The following REC114 variants were observed in gnomAD, a reference collection of about 807,000 sequenced individuals.
REC114 encodes the protein REC114 meiotic recombination protein, also known as meiotic recombination protein REC114.
In REC114, 27 loss-of-function variants were observed where a neutral mutation model predicts 31.3. The observed-to-expected ratio is 0.86, with a 90% confidence interval of 0.64 to 1.19. The LOEUF (loss-of-function observed/expected upper bound fraction) is 1.19, where lower values mean the gene tolerates loss of function less well. Ranked by LOEUF, REC114 falls within the 50% of genes most tolerant of loss-of-function variation. The probability of loss-of-function intolerance (pLI) is 0.00; values close to 1 mark genes in which losing one functional copy is unlikely to be tolerated. For missense variants in REC114, 344 were observed against 326.9 expected, an observed-to-expected ratio of 1.05 and a Z score of -0.40; for synonymous variants, 134 against 127.7, an observed-to-expected ratio of 1.05 and a Z score of -0.33.
chr15:73,550,898 G>T lies in REC114; in HGVS notation c.334-40G>T, dbSNP rs149854650. On this transcript the variant is annotated intron_variant, in intron 3 of 5. Transcript: ENST00000331090. ...AAGACCCCAAAGTAAATAGTTATAT[G>T]ATGAGGGTCTCTCATGATAACTTTT... is the stretch of plus-strand genomic sequence containing the variant. 3.4e-4 allele frequency: 542 copies of T among 1,580,664 alleles called. 4 individuals are homozygous for T. In the East Asian group the frequency reaches 5.5e-3, roughly 16 times the overall value.
chr15:73,448,239 G>A (rs1190021013), intron 1 of REC114, among the ~76,000 whole-genome samples: 1 of 152,148 alleles, frequency 6.6e-6, no homozygotes, highest in East Asian at 1.9e-4. Flanking sequence ...AGCAACCTAA[G>A]ATCCACTGGC....
chr15:73,513,484 G>T (rs1023301843), intron 2 of REC114, among the ~76,000 whole-genome samples: 1 of 148,842 alleles, frequency 6.7e-6, no homozygotes, highest in Non-Finnish European at 1.5e-5. Context: ...TCCGTTGCTG[G>T]TGAGGAACTG....
intron 2 of REC114, among the ~76,000 whole-genome samples, chr15:73,540,272 A>G (rs1309526031): frequency 6.6e-6 from 1 of 152,190 alleles, no homozygotes; most frequent in Admixed American, 6.5e-5. Context: ...AAGAAAAAAA[A>G]GTTGTCTTAC....
Position 73,543,884 on chromosome 15 carries a change from C to T in REC114, c.333+3316C>T, listed in dbSNP as rs370926521. The stretch of plus-strand genomic sequence containing the variant: ...AGGGTTATAGTATCTTTGACGTCTT[C>T]CTGACTTGCATGGGAAGTAGTGTTT... On this transcript the variant is annotated intron_variant, in intron 3 of 5. Coordinates refer to ENST00000331090, the MANE Select transcript of REC114 (RefSeq NM_001042367.2). Among the ~76,000 whole-genome samples the T allele has an allele frequency of 2.3e-4, 35 of 151,296 alleles. No individual in the cohort carries two copies. In the East Asian group the frequency reaches 5.4e-3, roughly 23 times the overall value.
At chr15:73,455,523 A>G (rs7181670) in intron 1 of REC114, among the ~76,000 whole-genome samples, 3,516 of 152,264 alleles carry the variant, frequency 0.023, 159 homozygotes, top group African/African-American at 0.08. Context: ...AAGAGAAAAA[A>G]TGAATAGTAC....
At chr15:73,558,053 T>C (rs767358130) in intron 5 of REC114, among the ~76,000 whole-genome samples, 5 of 152,252 alleles carry the variant, frequency 3.3e-5, no homozygotes, top group Middle Eastern at 3.4e-3. Context: ...ATACAAGGGA[T>C]GTAGGCTGCA....
intron 3 of REC114, among the ~76,000 whole-genome samples, chr15:73,547,083 A>G (rs1894319522): frequency 6.6e-6 from 1 of 152,170 alleles, no homozygotes; most frequent in Non-Finnish European, 1.5e-5. Context: ...TAAGTTAAAA[A>G]GCTTCTGCAC....
At chr15:73,537,672 A>G (rs1188253707) in intron 2 of REC114, among the ~76,000 whole-genome samples, 5 of 152,276 alleles carry the variant, frequency 3.3e-5, no homozygotes, top group African/African-American at 1.2e-4. Flanking sequence ...AGCATTATGC[A>G]TAAGCATTAA....
At chr15:73,476,516 C>T (rs1247875993) in intron 2 of REC114, among the ~76,000 whole-genome samples, 1 of 152,070 alleles carries the variant, frequency 6.6e-6, no homozygotes, top group Non-Finnish European at 1.5e-5. Flanking sequence ...TATATATTTA[C>T]TGTGTACGTT....
intron 3 of REC114, among the ~76,000 whole-genome samples, chr15:73,545,276 G>A (rs556154251): frequency 6.6e-6 from 1 of 152,158 alleles, no homozygotes; most frequent in Non-Finnish European, 1.5e-5. Flanking sequence ...AGAAACTAGA[G>A]ACTGTATATT....
At chr15:73,511,885 AGGTGT>A (rs1468964086) in intron 2 of REC114, among the ~76,000 whole-genome samples, 1 of 146,974 alleles carries the variant, frequency 6.8e-6, no homozygotes, top group Non-Finnish European at 1.5e-5. Context: ...ACTTTGGAAT[AGGTGT>A]GGTGTGGTGC....
In REC114 at chr15:73,464,885, T is replaced by TTTTG. The variant is rs369465530; in HGVS notation, c.160-8927_160-8924dup. ...TTCTGGCTGTCTTGGATGATGTGTT[T>TTTTG]TTTGTTTGTTTGTTTGTTTGTTTTG... On this transcript the variant is annotated intron_variant, in intron 1 of 5. Coordinates refer to ENST00000331090, the MANE Select transcript of REC114 (RefSeq NM_001042367.2). Among the ~76,000 whole-genome samples the TTTTG allele has an allele frequency of 2.6e-3, 390 of 152,044 alleles. 1 individual carries two copies. Among genetic ancestry groups the TTTTG allele is most frequent in the East Asian group, 6.2e-3 (32 of 5,166 alleles).
intron 2 of REC114, among the ~76,000 whole-genome samples, chr15:73,497,520 T>G (rs1893545529): frequency 6.6e-6 from 1 of 152,202 alleles, no homozygotes; most frequent in South Asian, 2.1e-4. Context: ...AGTTAGAATA[T>G]CAGGGTTCTT....
chr15:73,474,074 A>G (rs1893175487), intron 2 of REC114, among the ~76,000 whole-genome samples, 153 bp downstream of exon 2: 1 of 152,224 alleles, frequency 6.6e-6, no homozygotes, highest in Non-Finnish European at 1.5e-5. Flanking sequence ...ATAGTGGGAA[A>G]TACAGAAACG....
At chr15:73,448,099 G>GT (rs112509142) in intron 1 of REC114, among the ~76,000 whole-genome samples, 2,239 of 145,074 alleles carry the variant, frequency 0.015, 52 homozygotes, top group African/African-American at 0.047. Flanking sequence ...GAGTTTGTTT[G>GT]TTTTTTTTTT....
Position 73,540,583 on chromosome 15 carries a change from AATG to A in REC114, c.333+18_333+20del. 6.2e-7 allele frequency: 1 copy of A among 1,600,252 alleles called. No individual in the cohort carries two copies. Among genetic ancestry groups the A allele is most frequent in the Non-Finnish European group, 8.6e-7 (1 of 1,167,298 alleles). ...CAACGATAAAGGCAAGATTTAAGCT[AATG>A]ATCACACTCTTCTCATCTTCTATGT... On this transcript the variant is annotated intron_variant, in intron 3 of 5. Coordinates refer to ENST00000331090, the MANE Select transcript of REC114 (RefSeq NM_001042367.2).
At chr15:73,552,109 A>G (rs963749098) in intron 4 of REC114, among the ~76,000 whole-genome samples, 1 of 152,244 alleles carries the variant, frequency 6.6e-6, no homozygotes, top group African/African-American at 2.4e-5. Flanking sequence ...AGGCTAAAAG[A>G]TTGTAATATA....
intron 2 of REC114, among the ~76,000 whole-genome samples, chr15:73,478,948 T>G (rs181804522): frequency 2.0e-5 from 3 of 152,366 alleles, no homozygotes; most frequent in Admixed American, 2.0e-4. Flanking sequence ...TGCAGCTTTT[T>G]TGTAAATTCT....
chr15:73,504,569 T>C (rs1469947507), intron 2 of REC114, among the ~76,000 whole-genome samples: 1 of 152,146 alleles, frequency 6.6e-6, no homozygotes, highest in African/African-American at 2.4e-5. Flanking sequence ...CTTTTTCTCC[T>C]CTGGGTTTCT....
Sources: allele counts gnomAD v4.1 joint callset (sites outside exome capture counted in the v4.1 genomes callset), GRCh38; gene constraint gnomAD v4.1.1; transcripts MANE v1.5; gene names NCBI Gene and HGNC (gene_info 2026-07-23, HGNC 2026-07-21).